SMAD9: variants seen among roughly 807,000 people sequenced by gnomAD.
SMAD9 encodes the protein MAD homolog 9.
A neutral mutation model predicts 46.1 loss-of-function variants in SMAD9; 36 were observed. The ratio of observed to expected loss-of-function variants is 0.78; its 90% CI spans 0.60 to 1.03. The LOEUF is 1.03. SMAD9 is among the 50% of genes least tolerant of loss of function. The probability of loss-of-function intolerance (pLI) is 0.00; values close to 1 mark genes in which losing one functional copy is unlikely to be tolerated. For synonymous variants in SMAD9, 245 were observed against 237.1 expected, an observed-to-expected ratio of 1.03 and a Z score of -0.31; for missense variants, 572 against 599.8, an observed-to-expected ratio of 0.95 and a Z score of 0.48.
At chr13:36,866,999 A>C (rs2058241210) in intron 4 of SMAD9, among the ~76,000 whole-genome samples, 1 of 152,212 alleles carries the variant, frequency 6.6e-6, no homozygotes, top group Non-Finnish European at 1.5e-5. Flanking sequence ...TGAGTTCCCA[A>C]CTCCATACTT....
intron 5 of SMAD9, among the ~76,000 whole-genome samples, chr13:36,857,062 C>T (rs112393724): frequency 1.6e-4 from 25 of 152,030 alleles, no homozygotes; most frequent in African/African-American, 6.0e-4. Flanking sequence ...CCTCGGCCTC[C>T]CAAAGTGCTG....
At chr13:36,915,625 C>G (rs918531883) in intron 1 of SMAD9, among the ~76,000 whole-genome samples, 1 of 152,044 alleles carries the variant, frequency 6.6e-6, no homozygotes, top group Non-Finnish European at 1.5e-5. Flanking sequence ...AGGAAAAAAT[C>G]AGAACTACAT....
At chr13:36,861,495 T>A (rs1291304725) in intron 5 of SMAD9, among the ~76,000 whole-genome samples, 1 of 151,752 alleles carries the variant, frequency 6.6e-6, no homozygotes, top group Non-Finnish European at 1.5e-5. Flanking sequence ...TTTGTATTTT[T>A]AGTAGAGACA....
At chr13:36,909,554 TG>T (rs2058643964) in intron 1 of SMAD9, among the ~76,000 whole-genome samples, 1 of 152,154 alleles carries the variant, frequency 6.6e-6, no homozygotes, top group African/African-American at 2.4e-5. Flanking sequence ...ACCCCACAAA[TG>T]TGTTATTTTA....
chr13:36,875,572 A>G (rs987571661), intron 2 of SMAD9, among the ~76,000 whole-genome samples: 3 of 148,950 alleles, frequency 2.0e-5, no homozygotes, highest in African/African-American at 7.8e-5. Flanking sequence ...ACTATGCAGG[A>G]AAAAAAAAGA....
intron 1 of SMAD9, among the ~76,000 whole-genome samples, chr13:36,902,078 T>C (rs915096275): frequency 6.6e-6 from 1 of 152,200 alleles, no homozygotes; most frequent in African/African-American, 2.4e-5. Context: ...TTATAAATAT[T>C]TACCAATGTT....
rs529043922 is a variant in SMAD9, at chr13:36,862,055, C to T, written c.1003+3482G>A. On this transcript the variant is annotated intron_variant, in intron 5 of 6. Coordinates refer to ENST00000379826, the MANE Select transcript of SMAD9 (RefSeq NM_001127217.3). Reference sequence around the variant, plus strand: ...GTAAACCAAAAATAAAACTGGAAGGCCCCGCAACAATTTGAATGGACCCCC... The same window carrying T: ...GTAAACCAAAAATAAAACTGGAAGGTCCCGCAACAATTTGAATGGACCCCC... Among the ~76,000 whole-genome samples, 9 of 152,170 alleles carry T rather than the reference C, an allele frequency of 5.9e-5. No homozygotes were observed. In the South Asian group the frequency reaches 1.9e-3, roughly 32 times the overall value.
intron 1 of SMAD9, among the ~76,000 whole-genome samples, chr13:36,887,742 G>C (rs2138556081): frequency 6.6e-6 from 1 of 152,266 alleles, no homozygotes; most frequent in African/African-American, 2.4e-5. Flanking sequence ...ATAAAAAGGA[G>C]AGATGCATGT....
At chr13:36,920,397 A>G (rs72648864), upstream of SMAD9, 31,169 of 150,868 alleles carry the variant, frequency 0.21, 3,360 homozygotes, top group East Asian at 0.31. Context: ...CGGGAGCGAG[A>G]CCGGCCCCAC....
At chr13:36,873,110 T>C (rs1028982486) in intron 2 of SMAD9, among the ~76,000 whole-genome samples, 195 bp from the exon 3 acceptor site, 4 of 152,168 alleles carry the variant, frequency 2.6e-5, no homozygotes, top group Admixed American at 2.6e-4. Context: ...GAAGCAAGCA[T>C]GTGAGTAAGC....
At chr13:36,877,721 C>T (rs1440123688) in intron 2 of SMAD9, among the ~76,000 whole-genome samples, 1 of 152,110 alleles carries the variant, frequency 6.6e-6, no homozygotes, top group Non-Finnish European at 1.5e-5. Flanking sequence ...ATTTGCCAAG[C>T]ATGTGGAACC....
intron 2 of SMAD9, among the ~76,000 whole-genome samples, chr13:36,875,329 A>G (rs2058336018): frequency 6.6e-6 from 1 of 152,248 alleles, no homozygotes; most frequent in Non-Finnish European, 1.5e-5. Context: ...TTAACAAACA[A>G]TAATTTTCAG....
intron 2 of SMAD9, among the ~76,000 whole-genome samples, chr13:36,875,282 T>G (rs1009209161): frequency 6.6e-6 from 1 of 152,226 alleles, no homozygotes; most frequent in African/African-American, 2.4e-5. Context: ...CCCCGAAGTC[T>G]GCCATCTGCC....
At chr13:36,891,982 C>T (rs1165481693) in intron 1 of SMAD9, among the ~76,000 whole-genome samples, 1 of 152,118 alleles carries the variant, frequency 6.6e-6, no homozygotes, top group African/African-American at 2.4e-5. Flanking sequence ...TAAGGGTGAG[C>T]TCATCCATTG....
chr13:36,865,492 T>G, intron 5 of SMAD9, 45 bp downstream of exon 5: 2 of 1,511,556 alleles, frequency 1.3e-6, no homozygotes, highest in Non-Finnish European at 1.8e-6. Context: ...CATGACCATC[T>G]ACATTTCGGC....
In SMAD9 at chr13:36,890,364, G is replaced by A. The variant is rs183882843; in HGVS notation, c.-186-10489C>T. The stretch of plus-strand genomic sequence containing the variant: ...AACAAATCAAATTAGTTTTGAGGAC[G>A]CTTTATAACTCTTTGCCCATCAAAA... On this transcript the variant is annotated intron_variant, in intron 1 of 6. Transcript: ENST00000379826. Among the ~76,000 whole-genome samples the A allele has an allele frequency of 2.3e-4, 35 of 152,224 alleles. 1 individual carries two copies. The South Asian group carries it at 6.0e-3, about 26-fold the overall frequency.
intron 1 of SMAD9, among the ~76,000 whole-genome samples, chr13:36,887,298 T>C (rs945017479): frequency 6.8e-6 from 1 of 146,402 alleles, no homozygotes; most frequent in Non-Finnish European, 1.5e-5. Context: ...TCTCAGCTCA[T>C]TGCAACCTCC....
chr13:36,874,154 G>C (rs983191250), intron 2 of SMAD9, among the ~76,000 whole-genome samples: 3 of 152,230 alleles, frequency 2.0e-5, no homozygotes, highest in Admixed American at 6.5e-5. Flanking sequence ...AAATACAAGG[G>C]GGAAGTGGTC....
chr13:36,912,470 G>C (rs983703098), intron 1 of SMAD9, among the ~76,000 whole-genome samples: 1 of 152,158 alleles, frequency 6.6e-6, no homozygotes, highest in East Asian at 1.9e-4. Flanking sequence ...TATCAGGCAA[G>C]TAATAGGTGC....
Sources: gnomAD v4.1 joint callset for allele counts (sites outside exome capture counted in the v4.1 genomes callset) on GRCh38, gnomAD v4.1.1 for gene constraint, MANE v1.5 for transcripts, NCBI Gene and HGNC (gene_info 2026-07-23, HGNC 2026-07-21) for gene names.